Variants in DLG2 observed in about 807,000 individuals in gnomAD.
DLG2 encodes disks large homolog 2.
DLG2 carries 45 observed loss-of-function variants against 132.5 expected under a neutral mutation model. The ratio of observed to expected loss-of-function variants is 0.34; its 90% CI spans 0.27 to 0.44. The LOEUF (loss-of-function observed/expected upper bound fraction) is 0.44. Among genes scored for constraint, DLG2 ranks in the 20% least tolerant of loss-of-function variants. DLG2 has a pLI of 1.00. For missense variants in DLG2, 1,045 were observed against 1,196.9 expected, an observed-to-expected ratio of 0.87 and a Z score of 1.87; for synonymous variants, 424 against 419.6, an observed-to-expected ratio of 1.01 and a Z score of -0.13.
intron 3 of DLG2, among the ~76,000 whole-genome samples, chr11:85,555,922 G>T (rs2076921037): frequency 6.6e-6 from 1 of 151,788 alleles, no homozygotes; most frequent in African/African-American, 2.4e-5. Flanking sequence ...TCTGCCCTGG[G>T]AAGAAGGTAT....
At chr11:85,235,098 G>A (rs1188512287) in intron 4 of DLG2, among the ~76,000 whole-genome samples, 3 of 151,898 alleles carry the variant, frequency 2.0e-5, no homozygotes, top group African/African-American at 7.2e-5. Flanking sequence ...ATGTAATAAG[G>A]CAGATGGATT....
chr11:84,506,528 GA>G (rs2099241796), intron 7 of DLG2, among the ~76,000 whole-genome samples: 1 of 152,168 alleles, frequency 6.6e-6, no homozygotes, highest in African/African-American at 2.4e-5. Context: ...GAACATTCTA[GA>G]AACTTCATCT....
intron 7 of DLG2, among the ~76,000 whole-genome samples, chr11:84,308,585 G>T (rs1241950118): frequency 6.6e-6 from 1 of 152,208 alleles, no homozygotes; most frequent in Admixed American, 6.5e-5. Flanking sequence ...ATGGGACTGG[G>T]TGCCGTGGAG....
intron 9 of DLG2, among the ~76,000 whole-genome samples, chr11:84,130,853 T>G (rs1375906650): frequency 2.0e-5 from 3 of 151,414 alleles, no homozygotes; most frequent in Admixed American, 1.3e-4. Flanking sequence ...AAGTATCTCA[T>G]TGAAAGTGGA....
chr11:84,620,063 T>G (rs2099611202), intron 6 of DLG2, among the ~76,000 whole-genome samples: 1 of 151,628 alleles, frequency 6.6e-6, no homozygotes, highest in Admixed American at 6.6e-5. Flanking sequence ...AAATTTTTAG[T>G]TAATGTAGTA....
chr11:84,057,460 G>A (rs2096524074), intron 11 of DLG2, among the ~76,000 whole-genome samples: 1 of 152,042 alleles, frequency 6.6e-6, no homozygotes, highest in Admixed American at 6.6e-5. Flanking sequence ...AAAGCTCCTT[G>A]CAATATGATT....
intron 2 of DLG2, among the ~76,000 whole-genome samples, chr11:85,619,644 C>G (rs1163404384): frequency 6.6e-6 from 1 of 151,862 alleles, no homozygotes; most frequent in Non-Finnish European, 1.5e-5. Flanking sequence ...GGTCAGCCTG[C>G]CCAACATGGT....
chr11:85,092,172 T>G (rs912344969), intron 6 of DLG2, among the ~76,000 whole-genome samples: 6 of 152,214 alleles, frequency 3.9e-5, no homozygotes, highest in African/African-American at 1.4e-4. Flanking sequence ...TCAGAATTTT[T>G]GAGTGATTAG....
intron 6 of DLG2, among the ~76,000 whole-genome samples, chr11:84,782,899 C>A (rs2072092520): frequency 6.6e-6 from 1 of 152,138 alleles, no homozygotes; most frequent in African/African-American, 2.4e-5. Context: ...CATCAGCGTA[C>A]CTTTCTGGCA....
chr11:83,914,762 A>G (rs1007815371), intron 15 of DLG2, among the ~76,000 whole-genome samples: 1 of 152,182 alleles, frequency 6.6e-6, no homozygotes. Context: ...ACAGGAGACA[A>G]CAATCTGAAT....
intron 9 of DLG2, among the ~76,000 whole-genome samples, chr11:84,129,522 A>T (rs2094323618): frequency 6.6e-6 from 1 of 152,118 alleles, no homozygotes; most frequent in African/African-American, 2.4e-5. Context: ...TATTCCAAAG[A>T]CAGGGTACAT....
chr11:83,639,761 T>TA (rs561633828), intron 18 of DLG2, among the ~76,000 whole-genome samples: 2,338 of 141,142 alleles, frequency 0.017, 73 homozygotes, highest in African/African-American at 0.057. Flanking sequence ...GTATAATAAT[T>TA]AAAAAAAAAA....
chr11:84,838,194 C>A (rs2154003586), intron 6 of DLG2, among the ~76,000 whole-genome samples: 1 of 151,938 alleles, frequency 6.6e-6, no homozygotes, highest in African/African-American at 2.4e-5. Flanking sequence ...TTATATACCT[C>A]AAATTACCAT....
At chr11:83,879,838 A>G (rs10751099) in intron 15 of DLG2, among the ~76,000 whole-genome samples, 62,623 of 152,074 alleles carry the variant, frequency 0.41, 13,361 homozygotes, top group South Asian at 0.59. Flanking sequence ...AAAGAGAATG[A>G]TGAAAGCAAA....
chr11:84,637,842 G>C (rs2099643417), intron 6 of DLG2, among the ~76,000 whole-genome samples: 1 of 152,112 alleles, frequency 6.6e-6, no homozygotes, highest in African/African-American at 2.4e-5. Context: ...CCAAGTAAGA[G>C]GTAAAATCTG....
chr11:84,392,012 T>C (rs2098794246), intron 7 of DLG2, among the ~76,000 whole-genome samples: 1 of 152,188 alleles, frequency 6.6e-6, no homozygotes, highest in East Asian at 1.9e-4. Flanking sequence ...CTTTCTTATC[T>C]ATACAATAGG....
At chr11:84,792,097 A>G (rs2073933583) in intron 6 of DLG2, among the ~76,000 whole-genome samples, 1 of 152,106 alleles carries the variant, frequency 6.6e-6, no homozygotes. Flanking sequence ...ATTATGTTGT[A>G]GTATGTTCCT....
chr11:84,236,728 C>T (rs1387755585), intron 8 of DLG2, among the ~76,000 whole-genome samples: 3 of 152,304 alleles, frequency 2.0e-5, no homozygotes, highest in African/African-American at 7.2e-5. Flanking sequence ...AATAAGCACA[C>T]TAACCCAACC....
intron 6 of DLG2, among the ~76,000 whole-genome samples, chr11:84,992,074 T>G (rs2057179815): frequency 6.6e-6 from 1 of 152,194 alleles, no homozygotes; most frequent in Non-Finnish European, 1.5e-5. Context: ...TCTCTCTCTC[T>G]GGAGTGTTTC....
Sources: allele counts gnomAD v4.1 joint callset (sites outside exome capture counted in the v4.1 genomes callset), GRCh38; gene constraint gnomAD v4.1.1; transcripts MANE v1.5; gene names NCBI Gene and HGNC (gene_info 2026-07-23, HGNC 2026-07-21).